Variants in PDZD2 observed in about 807,000 individuals in gnomAD.
PDZD2 encodes the protein PDZ domain containing 2.
A neutral mutation model predicts 220.7 loss-of-function variants in PDZD2; 90 were observed. That is an observed-to-expected ratio of 0.41 (90% CI 0.34 to 0.49). The LOEUF (loss-of-function observed/expected upper bound fraction) is 0.49. PDZD2 is among the 20% of genes least tolerant of loss of function. PDZD2 has a pLI of 0.28. For synonymous variants in PDZD2, 1,375 were observed against 1,450.5 expected, an observed-to-expected ratio of 0.95 and a Z score of 1.18; for missense variants, 3,174 against 3,608.5, an observed-to-expected ratio of 0.88 and a Z score of 3.08.
intron 2 of PDZD2, among the ~76,000 whole-genome samples, chr5:31,883,053 C>T (rs1014470308): frequency 1.4e-5 from 2 of 141,042 alleles, no homozygotes; most frequent in African/African-American, 5.6e-5. Context: ...AAAAAAGGCC[C>T]AGGGGGCATA....
intron 3 of PDZD2, among the ~76,000 whole-genome samples, chr5:31,987,265 G>A (rs1209625155): frequency 6.6e-6 from 1 of 152,172 alleles, no homozygotes; most frequent in Non-Finnish European, 1.5e-5. Context: ...ATTCATGACT[G>A]GCATGGGTAT....
chr5:32,018,931 A>C (rs1753983514), intron 6 of PDZD2, among the ~76,000 whole-genome samples: 1 of 152,240 alleles, frequency 6.6e-6, no homozygotes, highest in East Asian at 1.9e-4. Flanking sequence ...ATTTAAGAAG[A>C]TGAAGTGATT....
At chr5:31,720,823 T>C (rs1392935632) in intron 1 of PDZD2, among the ~76,000 whole-genome samples, 1 of 152,276 alleles carries the variant, frequency 6.6e-6, no homozygotes, top group East Asian at 1.9e-4. Flanking sequence ...ATAGGTCAGA[T>C]AGTTTCTTTA....
At chr5:32,044,602 G>T (rs572530274) in intron 7 of PDZD2, among the ~76,000 whole-genome samples, 1 of 152,302 alleles carries the variant, frequency 6.6e-6, no homozygotes, top group African/African-American at 2.4e-5. Flanking sequence ...TTTGGCAGCT[G>T]CTTTTCCTCC....
chr5:31,834,791 A>G (rs1196652851), intron 2 of PDZD2, among the ~76,000 whole-genome samples: 3 of 152,032 alleles, frequency 2.0e-5, no homozygotes, highest in African/African-American at 7.2e-5. Context: ...GCAAATGACA[A>G]GTTGATGGGT....
At chr5:31,999,812 C>G (rs1243357742) in intron 4 of PDZD2, among the ~76,000 whole-genome samples, 1 of 152,152 alleles carries the variant, frequency 6.6e-6, no homozygotes, top group Non-Finnish European at 1.5e-5. Flanking sequence ...ACGAATGACT[C>G]GACTCTCCTC....
At chr5:32,054,496 G>A (rs1253580463) in intron 10 of PDZD2, among the ~76,000 whole-genome samples, 2 of 150,992 alleles carry the variant, frequency 1.3e-5, no homozygotes, top group African/African-American at 4.9e-5. Context: ...GCTAATTTTT[G>A]TATATTTTTG....
At position 32,061,029 on chromosome 5, in the gene PDZD2, C is replaced by T. The variant is rs1739639536; in HGVS notation, c.2346C>T (p.Asn782=). The change falls in exon 14 of 25, where the codon AAC becomes AAT. Residue 782 remains asparagine (N), a synonymous_variant. Coordinates refer to ENST00000438447, the MANE Select transcript of PDZD2 (RefSeq NM_178140.4). ...LSRGDQILEV[N]SVNVRHAALS... is the part of the protein sequence containing the mutation. ...GCGGGGATCAAATCCTGGAAGTGAACTCCGTCAACGTCCGCCATGCTGCTT... is the reference window on the plus strand; with the variant it reads ...GCGGGGATCAAATCCTGGAAGTGAATTCCGTCAACGTCCGCCATGCTGCTT... The T allele has an allele frequency of 1.9e-6, 3 of 1,614,056 alleles. No homozygotes were observed. The highest frequency in any genetic ancestry group is 2.7e-5 in the African/African-American group (2 of 74,924).
At chr5:32,050,285 C>T (rs1473604173) in intron 8 of PDZD2, among the ~76,000 whole-genome samples, 1 of 152,126 alleles carries the variant, frequency 6.6e-6, no homozygotes, top group Non-Finnish European at 1.5e-5. Flanking sequence ...GGCCACAGAT[C>T]GAGCGTTGAG....
chr5:31,948,966 G>T (rs530477773), intron 2 of PDZD2, among the ~76,000 whole-genome samples: 2 of 151,974 alleles, frequency 1.3e-5, no homozygotes, highest in South Asian at 4.2e-4. Context: ...GGGAGTAGTG[G>T]CAAGCGCCTG....
chr5:32,002,760 ACACAC>A, intron 5 of PDZD2, among the ~76,000 whole-genome samples: 1 of 22,976 alleles, frequency 4.4e-5, no homozygotes, highest in Non-Finnish European at 1.4e-4. Flanking sequence ...CACACACCCC[ACACAC>A]CACACACACC....
chr5:31,949,128 G>A (rs980125093), intron 2 of PDZD2, among the ~76,000 whole-genome samples: 2 of 144,458 alleles, frequency 1.4e-5, no homozygotes, highest in African/African-American at 5.1e-5. Flanking sequence ...AAAAAATAGT[G>A]TTCCTGGCTG....
At chr5:31,790,760 A>G (rs1041165160) in intron 1 of PDZD2, among the ~76,000 whole-genome samples, 1 of 126,408 alleles carries the variant, frequency 7.9e-6, no homozygotes, top group Admixed American at 1.1e-4. Context: ...CTGCAGTGGC[A>G]CGATCTCGGC....
chr5:32,003,092 C>CCA (rs373959151), intron 5 of PDZD2, among the ~76,000 whole-genome samples: 2,105 of 118,048 alleles, frequency 0.018, 73 homozygotes, highest in African/African-American at 0.049. Flanking sequence ...AACATACACT[C>CCA]CACACACACA....
intron 14 of PDZD2, among the ~76,000 whole-genome samples, chr5:32,068,400 G>C (rs372071949): frequency 3.3e-5 from 5 of 152,342 alleles, no homozygotes; most frequent in African/African-American, 1.2e-4. Flanking sequence ...TCCACAGCAA[G>C]ATGTGCTTGC....
At chr5:31,782,707 A>ATTTTTTTTTTTTTTTTTTTTTTTTTTT (rs34166035) in intron 1 of PDZD2, among the ~76,000 whole-genome samples, 1 of 96,522 alleles carries the variant, frequency 1.0e-5, no homozygotes, top group Non-Finnish European at 1.9e-5. Context: ...ACCACTTTAG[A>ATTTTTTTTTTTTTTTTTTTTTTTTTTT]TTTTTTTTTT....
intron 1 of PDZD2, among the ~76,000 whole-genome samples, chr5:31,780,166 T>A (rs1270047816): frequency 6.6e-6 from 1 of 151,814 alleles, no homozygotes; most frequent in African/African-American, 2.4e-5. Flanking sequence ...AGAGTGGGAG[T>A]TCTACCCTTG....
At chr5:31,855,653 A>C (rs1230481997) in intron 2 of PDZD2, among the ~76,000 whole-genome samples, 1 of 152,116 alleles carries the variant, frequency 6.6e-6, no homozygotes, top group Admixed American at 6.5e-5. Flanking sequence ...TGCTTTCTCT[A>C]CCCGCGGGAA....
intron 2 of PDZD2, among the ~76,000 whole-genome samples, chr5:31,927,752 G>T (rs1744924625): frequency 6.6e-6 from 1 of 152,104 alleles, no homozygotes; most frequent in South Asian, 2.1e-4. Flanking sequence ...AGCTCCAGAA[G>T]ATCTATGCTT....
Sources: allele counts gnomAD v4.1 joint callset (sites outside exome capture counted in the v4.1 genomes callset), GRCh38; gene constraint gnomAD v4.1.1; transcripts MANE v1.5; gene names NCBI Gene and HGNC (gene_info 2026-07-23, HGNC 2026-07-21).